FLVCR1: variants seen among roughly 807,000 people sequenced by gnomAD.
The protein encoded by FLVCR1 is FLVCR choline and heme transporter 1.
Under a neutral mutation model 53.6 loss-of-function variants are expected in FLVCR1, and 34 were observed. The observed-to-expected ratio is 0.63, with a 90% CI of 0.48 to 0.84. The LOEUF (loss-of-function observed/expected upper bound fraction) is 0.84, where lower values mean the gene tolerates loss of function less well. Ranked by LOEUF, FLVCR1 falls within the 40% of genes least tolerant of loss-of-function variation. FLVCR1 has a pLI of 0.00. For missense variants in FLVCR1, 677 were observed against 696.7 expected (o/e 0.97, Z 0.32); for synonymous variants, 300 against 286.3 (o/e 1.05, Z -0.48).
At chr1:212,863,518 G>A (rs1664311253) in intron 1 of FLVCR1, 1 of 505,834 alleles carries the variant, frequency 2.0e-6, no homozygotes, top group Non-Finnish European at 3.6e-6. Context: ...GAACCTGGGA[G>A]GGAGAGGTTG....
At position 212,888,014 on chromosome 1, in the gene FLVCR1, T is replaced by C; in HGVS notation, c.1307+13T>C. Reference sequence around the variant, plus strand: ...GAGGGGTGCTTGGGTAAGTATCAGATGTGTTTAGGAGGAATGATAGCATGC... The same window carrying C: ...GAGGGGTGCTTGGGTAAGTATCAGACGTGTTTAGGAGGAATGATAGCATGC... On this transcript the variant is annotated intron_variant, in intron 6 of 9. Coordinates refer to ENST00000366971, the MANE Select transcript of FLVCR1 (RefSeq NM_014053.4). The C allele has an allele frequency of 1.4e-6, 2 of 1,394,342 alleles. No homozygotes were observed. The highest frequency in any genetic ancestry group is 4.6e-5 in the East Asian group (2 of 43,748). 86.4% of individuals were successfully genotyped at this position (1,394,342 alleles called of 1,614,324 possible).
intron 2 of FLVCR1, among the ~76,000 whole-genome samples, chr1:212,868,168 C>T (rs753423889): frequency 6.6e-6 from 1 of 152,240 alleles, no homozygotes; most frequent in Non-Finnish European, 1.5e-5. Context: ...AATCTCAGCT[C>T]ACTGCACCCT....
chr1:212,865,280 A>T (rs10864012), intron 2 of FLVCR1, among the ~76,000 whole-genome samples: 1 of 128,460 alleles, frequency 7.8e-6, no homozygotes, highest in African/African-American at 3.5e-5. Context: ...CCCTCCCCCC[A>T]CCCCCCATCC....
chr1:212,888,218 CCTTA>C (rs1222590967), intron 6 of FLVCR1, among the ~76,000 whole-genome samples: 3 of 151,998 alleles, frequency 2.0e-5, no homozygotes, highest in African/African-American at 7.3e-5. Context: ...AATGGATGAG[CCTTA>C]CTTAATCTGT....
At chr1:212,893,768 G>GT (rs1340092158) in intron 8 of FLVCR1, among the ~76,000 whole-genome samples, 1 of 152,002 alleles carries the variant, frequency 6.6e-6, no homozygotes, top group African/African-American at 2.4e-5. Context: ...GCAGTAAAGT[G>GT]TTTTTTGTTT....
chr1:212,895,419 A>G lies in FLVCR1; in HGVS notation c.*129A>G. The G allele has an allele frequency of 2.8e-6, 2 of 715,996 alleles. No individual in the cohort carries two copies. Among genetic ancestry groups the G allele is most frequent in the East Asian group, 2.7e-5 (1 of 37,098 alleles). 44.4% of individuals were successfully genotyped at this position (715,996 alleles called of 1,614,324 possible). A position where few individuals can be genotyped will look rare whatever the true frequency, so the allele number is the denominator to read the frequency against. On this transcript the variant is annotated 3_prime_UTR_variant, in exon 10 of 10. Coordinates refer to ENST00000366971, the MANE Select transcript of FLVCR1 (RefSeq NM_014053.4). ...AACACACTTACTTGAAAATTACCAT[A>G]TGAACTCTAAATGCATAATTATTAT...
intron 3 of FLVCR1, 63 bp from the exon 4 acceptor site, chr1:212,883,306 CTT>C: frequency 1.1e-6 from 1 of 895,460 alleles, no homozygotes; most frequent in Non-Finnish European, 1.8e-6. Context: ...AAATGACACA[CTT>C]TTAGTATTCT....
In FLVCR1 at chr1:212,859,062, A is replaced by G. The variant is rs767165849; in HGVS notation, c.610A>G (p.Met204Val). 1.2e-6 allele frequency: 2 copies of G among 1,613,068 alleles called. No homozygotes were observed. Among genetic ancestry groups the G allele is most frequent in the South Asian group, 1.1e-5 (1 of 91,000 alleles). The change falls in exon 1 of 10, where the codon ATG becomes GTG. Residue 204 changes from methionine to valine, a missense_variant. Coordinates refer to ENST00000366971, the MANE Select transcript of FLVCR1 (RefSeq NM_014053.4). ...GCAGCAGCATCTCTTCTGGGTCACC[A>G]TGTTGGGCCAGTGCTTGTGCTCGGT... ...SVQQHLFWVT[M>V]LGQCLCSVAQ...
intron 3 of FLVCR1, among the ~76,000 whole-genome samples, chr1:212,881,673 A>G (rs1157052875): frequency 3.9e-5 from 6 of 152,144 alleles, no homozygotes; most frequent in Admixed American, 3.9e-4. Context: ...GAATTTCTTA[A>G]TGCAAAAAAC....
intron 3 of FLVCR1, among the ~76,000 whole-genome samples, chr1:212,877,411 C>T (rs1020332315): frequency 4.9e-4 from 75 of 152,084 alleles, no homozygotes; most frequent in South Asian, 3.1e-3. Flanking sequence ...GACGGGGTTT[C>T]ACCGTGTTAG....
intron 2 of FLVCR1, among the ~76,000 whole-genome samples, chr1:212,867,741 C>G (rs1664477711): frequency 6.6e-6 from 1 of 150,616 alleles, no homozygotes; most frequent in South Asian, 2.1e-4. Context: ...AAAGTAATCA[C>G]AATAAAAATA....
At chr1:212,868,996 T>C (rs1192940233) in intron 2 of FLVCR1, among the ~76,000 whole-genome samples, 1 of 152,222 alleles carries the variant, frequency 6.6e-6, no homozygotes, top group East Asian at 1.9e-4. Context: ...GATTCAAACA[T>C]TTATTTGTCT....
intron 8 of FLVCR1, among the ~76,000 whole-genome samples, chr1:212,892,302 T>C (rs1301509715): frequency 6.6e-6 from 1 of 152,226 alleles, no homozygotes; most frequent in Non-Finnish European, 1.5e-5. Flanking sequence ...GGAATCAATG[T>C]CTGGCTTCAA....
chr1:212,869,416 TACA>T (rs1334268166), intron 2 of FLVCR1, among the ~76,000 whole-genome samples: 2 of 152,272 alleles, frequency 1.3e-5, no homozygotes, highest in East Asian at 3.8e-4. Flanking sequence ...TCGACTTTCC[TACA>T]ACATGTAGCT....
chr1:212,894,311 G>A (rs537636519), intron 8 of FLVCR1, among the ~76,000 whole-genome samples: 9 of 152,084 alleles, frequency 5.9e-5, no homozygotes, highest in South Asian at 2.1e-4. Flanking sequence ...GTGCCGCCAC[G>A]CCTGGCTAAT....
At chr1:212,894,955 T>A (rs1389518896) in intron 8 of FLVCR1, 31 bp from the exon 9 acceptor site, 1 of 1,500,168 alleles carries the variant, frequency 6.7e-7, no homozygotes, top group South Asian at 1.1e-5. Flanking sequence ...CACATAACAG[T>A]TTATAGTAAC....
chr1:212,882,466 A>G (rs1010170619), intron 3 of FLVCR1, among the ~76,000 whole-genome samples: 2 of 152,198 alleles, frequency 1.3e-5, no homozygotes, highest in Non-Finnish European at 2.9e-5. Flanking sequence ...ATATAAAATG[A>G]TAAGCACCAA....
intron 3 of FLVCR1, among the ~76,000 whole-genome samples, chr1:212,876,044 A>G (rs1664744593): frequency 1.3e-5 from 2 of 151,216 alleles, no homozygotes; most frequent in South Asian, 4.2e-4. Context: ...GTGCTACCAC[A>G]CTTGGCTGAT....
intron 1 of FLVCR1, 28 bp downstream of exon 1, chr1:212,859,218 C>A: frequency 1.2e-6 from 2 of 1,613,828 alleles, no homozygotes; most frequent in South Asian, 2.2e-5. Context: ...AGGTGAAAGT[C>A]AGATCCTTAA....
Sources: allele counts gnomAD v4.1 joint callset (sites outside exome capture counted in the v4.1 genomes callset), GRCh38; gene constraint gnomAD v4.1.1; transcripts MANE v1.5; gene names NCBI Gene and HGNC (gene_info 2026-07-23, HGNC 2026-07-21).